Variants in EIF4G1 observed in about 807,000 individuals in gnomAD.
EIF4G1 encodes eukaryotic translation initiation factor 4 gamma 1.
A neutral mutation model predicts 187.8 loss-of-function variants in EIF4G1; 4 were observed. The observed-to-expected ratio is 0.02, with a 90% CI of 0.01 to 0.05. EIF4G1 has a LOEUF of 0.05. Ranked by LOEUF, EIF4G1 falls within the 10% of genes least tolerant of loss-of-function variation. EIF4G1 has a pLI of 1.00. For missense variants in EIF4G1, 1,647 were observed against 2,081.1 expected (o/e 0.79, Z 4.06); for synonymous variants, 844 against 781.4 (o/e 1.08, Z -1.34).
intron 5 of EIF4G1, 108 bp from the exon 6 acceptor site, chr3:184,317,609 A>G: frequency 1.3e-6 from 2 of 1,544,506 alleles, no homozygotes; most frequent in Non-Finnish European, 1.8e-6. Context: ...CCTTCTGGTC[A>G]TTGCCCAGAG....
chr3:184,317,083 C>T (rs969807293), intron 4 of EIF4G1, among the ~76,000 whole-genome samples: 1 of 152,086 alleles, frequency 6.6e-6, no homozygotes, highest in Non-Finnish European at 1.5e-5. Flanking sequence ...GTATGCATGG[C>T]AGTGAGAGAG....
Position 184,322,344 on chromosome 3 carries a change from T to G in EIF4G1, c.1520-18T>G, listed in dbSNP as rs1724059750. 1.2e-6 allele frequency: 2 copies of G among 1,608,786 alleles called. No homozygotes were observed. Among genetic ancestry groups the G allele is most frequent in the Non-Finnish European group, 1.7e-6 (2 of 1,176,420 alleles). ...TATTGGCAAAGATCCATGCTTTTAT[T>G]TATTTATTTTTAATTAGTGGCAGTA... is the stretch of plus-strand genomic sequence containing the variant. On this transcript the variant is annotated intron_variant, in intron 10 of 32. Coordinates refer to ENST00000346169, the MANE Select transcript of EIF4G1 (RefSeq NM_198241.3).
intron 7 of EIF4G1, 113 bp from the exon 8 acceptor site, chr3:184,320,517 C>G (rs1257015338): frequency 1.9e-6 from 3 of 1,584,894 alleles, no homozygotes; most frequent in African/African-American, 2.7e-5. Context: ...TGGCACCTAC[C>G]TACCTGCTTC....
At position 184,325,730 on chromosome 3, in the gene EIF4G1, T is replaced by C; in HGVS notation, c.3121+91T>C. 1.2e-6 allele frequency: 2 copies of C among 1,611,210 alleles called. No individual in the cohort carries two copies. Among genetic ancestry groups the C allele is most frequent in the Non-Finnish European group, 1.7e-6 (2 of 1,177,474 alleles). ...TGACTTCCTGTTAGTGCCACGTGTC[T>C]GGGCCACTGAGACACCATGATGGAA... On this transcript the variant is annotated intron_variant, in intron 20 of 32. Transcript: ENST00000346169. This position sits in a 1 kb window ranked among gnomAD's most constrained non-coding sequence, Gnocchi z 5.2.
chr3:184,326,920 G>A lies in EIF4G1; in HGVS notation c.3365G>A (p.Arg1122His). 1 of 1,614,214 alleles carries A rather than the reference G, an allele frequency of 6.2e-7. No individual in the cohort carries two copies. The highest frequency in any genetic ancestry group is 8.5e-7 in the Non-Finnish European group (1 of 1,180,042). Residue 1122 changes from arginine (R) to histidine (H), a missense_variant, in exon 23 of 33, where the codon CGC (arginine) becomes CAC (histidine). Arg to His is a conservative substitution (Grantham distance 29, BLOSUM62 0). Coordinates refer to ENST00000346169, the MANE Select transcript of EIF4G1 (RefSeq NM_198241.3). Reference sequence around the variant, plus strand: ...CGCCCAGCTACTAGTACTTTGAATCGCTTCTCAGCCCTTCAACAAGCGGTA... The same window carrying A: ...CGCCCAGCTACTAGTACTTTGAATCACTTCTCAGCCCTTCAACAAGCGGTA... ...AARPATSTLNRFSALQQAVPT... is the reference protein window; with the variant it reads ...AARPATSTLNHFSALQQAVPT...
chr3:184,327,151 G>A (rs1725092060), intron 23 of EIF4G1, 65 bp from the exon 24 acceptor site: 1 of 1,597,902 alleles, frequency 6.3e-7, no homozygotes, highest in Non-Finnish European at 8.6e-7. Flanking sequence ...TGCTCAGCAT[G>A]TTGTGTAATT....
rs1725252358 is a variant in EIF4G1 at position 184,327,889 on chromosome 3, G to T, written c.3840G>T (p.Arg1280=). The change falls in exon 26 of 33, where the codon CGG becomes CGT. Residue 1280 remains arginine (R), a synonymous_variant. Transcript: ENST00000346169. Reference sequence around the variant, plus strand: ...CCTCCTTGCTCTTCATCTTTGTACGGCATGGTGTCGAGTCTACGCTGGAGC... The same window carrying T: ...CCTCCTTGCTCTTCATCTTTGTACGTCATGGTGTCGAGTCTACGCTGGAGC... ...ASPSLLFIFV[R]HGVESTLERS... is the part of the protein sequence containing the mutation. The T allele has an allele frequency of 6.2e-7, 1 of 1,613,798 alleles. No individual in the cohort carries two copies. Among genetic ancestry groups the T allele is most frequent in the Non-Finnish European group, 8.5e-7 (1 of 1,180,038 alleles).
rs1722675806 is a variant in EIF4G1, at chr3:184,315,853, A to G, written c.57A>G (p.Pro19=). The G allele has an allele frequency of 1.9e-5, 15 of 796,018 alleles. No homozygotes were observed. The highest frequency in any genetic ancestry group is 2.6e-5 in the Non-Finnish European group (14 of 528,906). The allele number at this position is 796,018 out of a possible 1,614,324, so 49.3% of individuals were successfully genotyped here. A position where few individuals can be genotyped will look rare whatever the true frequency, so the allele number is the denominator to read the frequency against. The change falls in exon 3 of 33, where the codon CCA becomes CCG. Residue 19 remains proline, a synonymous_variant. Coordinates refer to ENST00000346169, the MANE Select transcript of EIF4G1 (RefSeq NM_198241.3). ...CACCCGCCCCATCCCCCGGACTCCC[A>G]CAGGTAATTAGGGAGGAATTAGCAG... ...GPPPAPSPGL[P]QPAFPPGQTA...
Position 184,325,958 on chromosome 3 carries a change from G to A in EIF4G1, c.3222+7G>A, listed in dbSNP as rs764023335. 1 of 1,613,902 alleles carries A rather than the reference G, an allele frequency of 6.2e-7. No homozygotes were observed. The highest frequency in any genetic ancestry group is 8.5e-7 in the Non-Finnish European group (1 of 1,179,816). On this transcript the variant is annotated splice_region_variant and intron_variant, in intron 21 of 32. Transcript: ENST00000346169. The surrounding 1 kb of genome is among the most constrained non-coding windows in gnomAD (Gnocchi z 5.2). ...ACTCACCAAGATCACCAAGGTAGGGGTGTGTGTGGGAGTGGGTGATTCAGC... is the reference window on the plus strand; with the variant it reads ...ACTCACCAAGATCACCAAGGTAGGGATGTGTGTGGGAGTGGGTGATTCAGC...
At chr3:184,330,369 ACT>A (rs778837596) in intron 28 of EIF4G1, among the ~76,000 whole-genome samples, 125 of 152,214 alleles carry the variant, frequency 8.2e-4, no homozygotes, top group Non-Finnish European at 1.1e-3. Context: ...ACAGAGCAAG[ACT>A]CTGTCTCAAA....
In EIF4G1 at chr3:184,317,760, A is replaced by G. The variant is rs1241233318; in HGVS notation, c.368A>G (p.Gln123Arg). 6.2e-7 allele frequency: 1 copy of G among 1,614,162 alleles called. No individual in the cohort carries two copies. The change falls in exon 6 of 33, where the codon CAG (glutamine) becomes CGG (arginine). Residue 123 changes from glutamine to arginine, a missense_variant. Coordinates refer to ENST00000346169, the MANE Select transcript of EIF4G1 (RefSeq NM_198241.3). ...YVVPTQQYPV[Q>R]PGAPGFYPGA... ...GTCCCGACACAGCAGTACCCTGTGC[A>G]GCCAGGAGCCCCAGGCTTCTATCCA...
In EIF4G1 at chr3:184,327,248, C is replaced by T. The variant is rs910035679; in HGVS notation, c.3461C>T (p.Ala1154Val). The T allele has an allele frequency of 3.5e-5, 56 of 1,613,014 alleles. No homozygotes were observed. The highest frequency in any genetic ancestry group is 4.6e-5 in the Non-Finnish European group (54 of 1,180,052). The change falls in exon 24 of 33, where the codon GCT (alanine) becomes GTT (valine). Residue 1154 changes from alanine (A) to valine (V), a missense_variant. Coordinates refer to ENST00000346169, the MANE Select transcript of EIF4G1 (RefSeq NM_198241.3). ...TTGAGCCGAGAACGAGGCGAGAAAG[C>T]TGGAGACCGAGGAGACCGCCTAGAG... ...SSLSRERGEK[A>V]GDRGDRLERS...
intron 26 of EIF4G1, 94 bp from the exon 27 acceptor site, chr3:184,328,537 G>C: frequency 6.4e-7 from 1 of 1,562,512 alleles, no homozygotes; most frequent in Non-Finnish European, 8.8e-7. Flanking sequence ...TGTTCCTGGG[G>C]GTTCCATAGT....
chr3:184,332,515 C>A (rs1295172423), intron 32 of EIF4G1, among the ~76,000 whole-genome samples: 1 of 152,138 alleles, frequency 6.6e-6, no homozygotes, highest in Admixed American at 6.5e-5. Context: ...TCAGGTTATG[C>A]ATTCAGAACA....
intron 7 of EIF4G1, chr3:184,320,197 G>T (rs1369854660): frequency 8.9e-7 from 1 of 1,123,864 alleles, no homozygotes. Flanking sequence ...TGGGCGTGGT[G>T]CCCAGAATAG....
Position 184,325,135 on chromosome 3 carries a change from A to AG in EIF4G1, c.2856+26dup. On this transcript the variant is annotated intron_variant, in intron 18 of 32. Coordinates refer to ENST00000346169, the MANE Select transcript of EIF4G1 (RefSeq NM_198241.3). This position sits in a 1 kb window ranked among gnomAD's most constrained non-coding sequence, Gnocchi z 5.2. ...CCAAGGTAGAGGTCCTTGCATCTGG[A>AG]GGGGGATGGGCTGAAGCATATGTGG... 6.2e-7 allele frequency: 1 copy of AG among 1,611,966 alleles called. No individual in the cohort carries two copies. Among genetic ancestry groups the AG allele is most frequent in the East Asian group, 2.2e-5 (1 of 44,830 alleles).
In EIF4G1 at chr3:184,321,772, A is replaced by T; in HGVS notation, c.1188A>T (p.Pro396=). Residue 396 remains proline, a synonymous_variant, in exon 10 of 33, where the codon CCA becomes CCT. Transcript: ENST00000346169. The part of the protein sequence containing the change: ...CPSESPVPIA[P]TAQPEELLNG... ...CCGAATCCCCTGTGCCCATTGCTCCAACTGCCCAACCTGAGGAACTGCTCA... is the reference window on the plus strand; with the variant it reads ...CCGAATCCCCTGTGCCCATTGCTCCTACTGCCCAACCTGAGGAACTGCTCA... The T allele has an allele frequency of 1.2e-6, 2 of 1,609,212 alleles. No homozygotes were observed. Among genetic ancestry groups the T allele is most frequent in the East Asian group, 2.2e-5 (1 of 44,758 alleles).
Position 184,327,224 on chromosome 3 carries a change from T to C in EIF4G1, c.3437T>C (p.Leu1146Ser). 2 of 1,612,656 alleles carry C rather than the reference T, an allele frequency of 1.2e-6. No homozygotes were observed. Among genetic ancestry groups the C allele is most frequent in the Non-Finnish European group, 1.7e-6 (2 of 1,180,030 alleles). The change falls in exon 24 of 33, where the codon TTG (leucine) becomes TCG (serine). Residue 1146 changes from leucine (L) to serine (S), a missense_variant. Around this residue, in one of 11 missense-constraint regions of EIF4G1, gnomAD observed 543 missense variants for 638.0 expected, o/e 0.85. Coordinates refer to ENST00000346169, the MANE Select transcript of EIF4G1 (RefSeq NM_198241.3). ...GTCTGTCTGTCTTCCAGGAGTAGCT[T>C]GAGCCGAGAACGAGGCGAGAAAGCT... is the stretch of plus-strand genomic sequence containing the variant. The part of the protein sequence containing the change: ...DNRRVVQRSS[L>S]SRERGEKAGD...
intron 16 of EIF4G1, 58 bp downstream of exon 16, chr3:184,324,035 ACTC>A (rs1724389120): frequency 6.2e-7 from 1 of 1,609,472 alleles, no homozygotes; most frequent in South Asian, 1.1e-5. Flanking sequence ...TATTCCCAAG[ACTC>A]CTTGAGTCCA....
Sources: allele counts gnomAD v4.1 joint callset (sites outside exome capture counted in the v4.1 genomes callset), GRCh38; gene constraint gnomAD v4.1.1; regional missense constraint gnomAD v4.1.1; non-coding constraint Gnocchi (gnomAD v3.1); transcripts MANE v1.5; gene names NCBI Gene and HGNC (gene_info 2026-07-23, HGNC 2026-07-21).